Variants in ST14 observed in about 807,000 individuals in gnomAD.
The protein encoded by ST14 is suppressor of tumorigenicity 14 protein.
ST14 carries 40 observed loss-of-function variants against 96.5 expected under a neutral mutation model. That is an observed-to-expected ratio of 0.41 (90% CI 0.32 to 0.54). The LOEUF is 0.54. Ranked by LOEUF, ST14 falls within the 20% of genes least tolerant of loss-of-function variation. The pLI, the probability that ST14 is intolerant of heterozygous loss-of-function variation, is 0.17. For missense variants in ST14, 1,066 were observed against 1,188.9 expected (o/e 0.90, Z 1.52); for synonymous variants, 506 against 492.1 (o/e 1.03, Z -0.37).
In ST14 at chr11:130,188,923, G is replaced by T; in HGVS notation, c.424G>T (p.Ala142Ser). The change falls in exon 4 of 19, where the codon GCT becomes TCT. Residue 142 changes from alanine to serine, a missense_variant. Coordinates refer to ENST00000278742, the MANE Select transcript of ST14 (RefSeq NM_021978.4). The surrounding 1 kb of genome is among the most constrained non-coding windows in gnomAD (Gnocchi z 5.4). Reference sequence around the variant, plus strand: ...CCTGGGCCCCTACCACAAGGAGTCGGCTGTGACGGCCTTCAGGTGGGTGTG... The same window carrying T: ...CCTGGGCCCCTACCACAAGGAGTCGTCTGTGACGGCCTTCAGGTGGGTGTG... The part of the protein sequence containing the change: ...PFLGPYHKES[A>S]VTAFSEGSVI... 1 of 1,611,192 alleles carries T rather than the reference G, an allele frequency of 6.2e-7. No homozygotes were observed. Among genetic ancestry groups the T allele is most frequent in the Non-Finnish European group, 8.5e-7 (1 of 1,179,036 alleles).
chr11:130,187,991 T>G lies in ST14; in HGVS notation c.82-123T>G. On this transcript the variant is annotated intron_variant, in intron 1 of 18. Coordinates refer to ENST00000278742, the MANE Select transcript of ST14 (RefSeq NM_021978.4). The surrounding 1 kb of genome is among the most constrained non-coding windows in gnomAD (Gnocchi z 4.5). ...ATGCCTCTGGGGGAAGCCCCCTTCT[T>G]CTCACCCAAGCCCCTGCTTTCTTCT... 7.2e-7 allele frequency: 1 copy of G among 1,392,954 alleles called. No homozygotes were observed. The highest frequency in any genetic ancestry group is 9.8e-7 in the Non-Finnish European group (1 of 1,017,882). The allele number at this position is 1,392,954 out of a possible 1,614,324, so 86.3% of individuals were successfully genotyped here.
chr11:130,188,190 G>A lies in ST14; in HGVS notation c.158G>A (p.Gly53Glu). The A allele has an allele frequency of 6.2e-7, 1 of 1,614,218 alleles. No individual in the cohort carries two copies. Among genetic ancestry groups the A allele is most frequent in the South Asian group, 1.1e-5 (1 of 91,086 alleles). ...NVKKVEKHGP[G>E]RWVVLAAVLI... ...AAGAAGGTGGAAAAGCATGGCCCGG[G>A]GCGCTGGGTGGTGCTGGCAGCCGTG... The change falls in exon 2 of 19, where the codon GGG becomes GAG. Residue 53 changes from glycine (G) to glutamate (E), a missense_variant. Coordinates refer to ENST00000278742, the MANE Select transcript of ST14 (RefSeq NM_021978.4). This position sits in a 1 kb window ranked among gnomAD's most constrained non-coding sequence, Gnocchi z 5.4.
chr11:130,164,843 T>C (rs1953028814), intron 1 of ST14, among the ~76,000 whole-genome samples: 1 of 152,010 alleles, frequency 6.6e-6, no homozygotes, highest in Non-Finnish European at 1.5e-5. Flanking sequence ...ATTCAAGCGA[T>C]TCTCCTGCCT....
chr11:130,172,462 G>A (rs546504475), intron 1 of ST14, among the ~76,000 whole-genome samples: 2 of 140,276 alleles, frequency 1.4e-5, no homozygotes, highest in East Asian at 4.2e-4. Context: ...CTGCCACCCA[G>A]GCTGGAGTGC....
At chr11:130,172,335 G>A (rs1034646126) in intron 1 of ST14, among the ~76,000 whole-genome samples, 1 of 151,466 alleles carries the variant, frequency 6.6e-6, no homozygotes, top group African/African-American at 2.4e-5. Flanking sequence ...CAAACTCCAG[G>A]GCTCAAGCAA....
In ST14 at chr11:130,187,184, G is replaced by A. The variant is rs80309285; in HGVS notation, c.82-930G>A. ...TTGTTGTGAGCCGTATTGAGTGGGC[G>A]TGAGGTAGTTAAACTGAGAGTGCCA... On this transcript the variant is annotated intron_variant, in intron 1 of 18. Coordinates refer to ENST00000278742, the MANE Select transcript of ST14 (RefSeq NM_021978.4). This position sits in a 1 kb window ranked among gnomAD's most constrained non-coding sequence, Gnocchi z 4.5. 7.9e-3 allele frequency among the ~76,000 whole-genome samples: 1,200 copies of A among 152,198 alleles called. 30 individuals carry two copies. Among genetic ancestry groups the A allele is most frequent in the East Asian group, 0.075 (387 of 5,174 alleles).
In ST14 at chr11:130,188,152, A is replaced by G. The variant is rs62642510; in HGVS notation, c.120A>G (p.Pro40=). 83,343 of 1,614,114 alleles carry G rather than the reference A, an allele frequency of 0.052. 4,666 individuals carry two copies. Among genetic ancestry groups the G allele is most frequent in the African/African-American group, 0.29 (21,607 of 74,986 alleles). Residue 40 remains proline (P), a synonymous_variant, in exon 2 of 19, where the codon CCA becomes CCG. Coordinates refer to ENST00000278742, the MANE Select transcript of ST14 (RefSeq NM_021978.4). This position sits in a 1 kb window ranked among gnomAD's most constrained non-coding sequence, Gnocchi z 5.4. ...NGLEEGVEFL[P]VNNVKKVEKH... is the part of the protein sequence containing the mutation. ...TGGAGGAAGGCGTGGAGTTCCTGCC[A>G]GTCAACAACGTCAAGAAGGTGGAAA...
At chr11:130,202,779 C>T (rs372000806) in intron 16 of ST14, among the ~76,000 whole-genome samples, 6 of 152,196 alleles carry the variant, frequency 3.9e-5, no homozygotes, top group Non-Finnish European at 2.9e-5. Flanking sequence ...ATATGATCTT[C>T]GGCAAGTTGC....
rs778216393 is a variant in ST14, at chr11:130,194,237, C to T, written c.964C>T (p.Arg322Trp). ...LLITLITNTERRHPGFEATFF... is the reference protein window; with the variant it reads ...LLITLITNTEWRHPGFEATFF... Reference sequence around the variant, plus strand: ...CATCACACTGATAACCAACACTGAGCGGCGGCATCCCGGCTTTGAGGCCAC... The same window carrying T: ...CATCACACTGATAACCAACACTGAGTGGCGGCATCCCGGCTTTGAGGCCAC... The change falls in exon 8 of 19, where the codon CGG becomes TGG. Residue 322 changes from arginine to tryptophan, a missense_variant. Transcript: ENST00000278742. 1.9e-6 allele frequency: 3 copies of T among 1,614,106 alleles called. No individual in the cohort carries two copies. Among genetic ancestry groups the T allele is most frequent in the Non-Finnish European group, 1.7e-6 (2 of 1,180,050 alleles).
At position 130,198,545 on chromosome 11, in the gene ST14, G is replaced by A; in HGVS notation, c.1608G>A (p.Lys536=). 1.2e-6 allele frequency: 2 copies of A among 1,614,136 alleles called. No homozygotes were observed. Among genetic ancestry groups the A allele is most frequent in the Non-Finnish European group, 1.7e-6 (2 of 1,180,020 alleles). The change falls in exon 14 of 19, where the codon AAG becomes AAA. Residue 536 remains lysine (K), a synonymous_variant. Coordinates refer to ENST00000278742, the MANE Select transcript of ST14 (RefSeq NM_021978.4). ...AGACCTTCAGGTGTTCCAATGGGAA[G>A]TGCCTCTCGAAAAGCCAGCAGTGCA... ...PAQTFRCSNG[K]CLSKSQQCNG...
chr11:130,170,482 C>A (rs935074027), intron 1 of ST14, among the ~76,000 whole-genome samples: 2 of 152,118 alleles, frequency 1.3e-5, no homozygotes, highest in Admixed American at 1.3e-4. Context: ...GTCCACCCAG[C>A]ATGGTGCAGG....
In ST14 at chr11:130,200,118, A is replaced by G. The variant is rs778881984; in HGVS notation, c.1975A>G (p.Ile659Val). The G allele has an allele frequency of 8.3e-5, 134 of 1,614,012 alleles. 1 individual carries two copies. The Middle Eastern group carries it at 1.5e-3, about 18-fold the overall frequency. Residue 659 changes from isoleucine to valine, a missense_variant, in exon 16 of 19, where the codon ATC (isoleucine) becomes GTC (valine). By Grantham distance (29) the Ile-to-Val change is conservative. Transcript: ENST00000278742. ...GCTGGTCTCTGCCGCACACTGCTAC[A>G]TCGATGACAGAGGATTCAGGTGGGT... is the stretch of plus-strand genomic sequence containing the variant. Reference protein sequence around the residue: ...NWLVSAAHCYIDDRGFRYSDP... With the variant: ...NWLVSAAHCYVDDRGFRYSDP...
intron 1 of ST14, among the ~76,000 whole-genome samples, chr11:130,160,780 G>A (rs145664362): frequency 2.4e-4 from 36 of 152,340 alleles, no homozygotes; most frequent in Non-Finnish European, 2.2e-4. Flanking sequence ...GTATGGAGTT[G>A]GGGATGGGTC....
chr11:130,198,856 C>CA (rs1953397958), intron 14 of ST14, 91 bp from the exon 15 acceptor site: 1 of 1,607,686 alleles, frequency 6.2e-7, no homozygotes, highest in African/African-American at 1.3e-5. Context: ...GGGTAATGTG[C>CA]AGGGGCCATG....
intron 17 of ST14, 94 bp downstream of exon 17, chr11:130,208,778 C>A: frequency 7.0e-7 from 1 of 1,434,296 alleles, no homozygotes; most frequent in South Asian, 1.4e-5. Context: ...GGGCGGGGGG[C>A]TGCTCCAGTC....
intron 16 of ST14, among the ~76,000 whole-genome samples, chr11:130,206,949 G>A (rs1283048504): frequency 6.6e-6 from 1 of 152,136 alleles, no homozygotes; most frequent in East Asian, 1.9e-4. Flanking sequence ...GACTCAGGGT[G>A]GACTGATGGA....
chr11:130,175,061 C>T (rs1399350682), intron 1 of ST14, among the ~76,000 whole-genome samples: 2 of 152,196 alleles, frequency 1.3e-5, no homozygotes, highest in African/African-American at 2.4e-5. Context: ...TTAGGTGGTA[C>T]TCCTAACAGA....
intron 14 of ST14, 126 bp from the exon 15 acceptor site, chr11:130,198,821 G>C (rs140684633): frequency 1.3e-6 from 2 of 1,587,322 alleles, no homozygotes; most frequent in South Asian, 1.1e-5. Context: ...GCCAGTGGGC[G>C]TGGGTGGGGC....
At chr11:130,209,175 C>T (rs1953520349) in intron 17 of ST14, among the ~76,000 whole-genome samples, 2 of 152,166 alleles carry the variant, frequency 1.3e-5, no homozygotes, top group Non-Finnish European at 2.9e-5. Flanking sequence ...CGCCTTCCCT[C>T]CGCCTCTCTG....
Sources: gnomAD v4.1 joint callset for allele counts (sites outside exome capture counted in the v4.1 genomes callset) on GRCh38, gnomAD v4.1.1 for gene constraint, Gnocchi (gnomAD v3.1) non-coding constraint, MANE v1.5 for transcripts, NCBI Gene and HGNC (gene_info 2026-07-23, HGNC 2026-07-21) for gene names.